Variants in MEF2A observed in about 807,000 individuals in gnomAD.
MEF2A encodes myocyte-specific enhancer factor 2A.
Under a neutral mutation model 55.8 loss-of-function variants are expected in MEF2A, and 28 were observed. The ratio of observed to expected loss-of-function variants is 0.50; its 90% CI spans 0.37 to 0.69. MEF2A has a LOEUF of 0.69. Ranked by LOEUF, MEF2A falls within the 30% of genes least tolerant of loss-of-function variation. The probability of loss-of-function intolerance (pLI) is 0.00; values close to 1 mark genes in which losing one functional copy is unlikely to be tolerated. For missense variants in MEF2A, 528 were observed against 626.2 expected (o/e 0.84, Z 1.67); for synonymous variants, 239 against 227.1 (o/e 1.05, Z -0.47).
chr15:99,641,046 C>T (rs1188076842), intron 3 of MEF2A, among the ~76,000 whole-genome samples: 1 of 151,958 alleles, frequency 6.6e-6, no homozygotes, highest in Non-Finnish European at 1.5e-5. Context: ...TTGCGTGATC[C>T]CAGTCGATCA....
Position 99,590,760 on chromosome 15 carries a change from C to G in MEF2A, c.-224-7670C>G, listed in dbSNP as rs144331146. The stretch of plus-strand genomic sequence containing the variant: ...GTAAGATCCTTACTGTAGTGCACTT[C>G]CAGTTTCCTTCCCTTCATTCTTTTT... On this transcript the variant is annotated intron_variant, in intron 1 of 11. Coordinates refer to ENST00000557942, the MANE Select transcript of MEF2A (RefSeq NM_001319206.4). Among the ~76,000 whole-genome samples the G allele has an allele frequency of 3.0e-3, 451 of 151,904 alleles. 3 individuals are homozygous for G. The highest frequency in any genetic ancestry group is 0.01 in the African/African-American group (423 of 41,434).
intron 7 of MEF2A, among the ~76,000 whole-genome samples, chr15:99,686,765 A>G (rs1157506789): frequency 1.3e-5 from 2 of 152,146 alleles, no homozygotes; most frequent in African/African-American, 2.4e-5. Flanking sequence ...CTAGATCTCT[A>G]GTGAGGCCAG....
Position 99,713,248 on chromosome 15 carries a change from T to G in MEF2A, c.*477T>G. The G allele has an allele frequency of 2.6e-6, 1 of 384,178 alleles. No individual in the cohort carries two copies. Among genetic ancestry groups the G allele is most frequent in the Non-Finnish European group, 4.6e-6 (1 of 218,016 alleles). 23.8% of individuals were successfully genotyped at this position (384,178 alleles called of 1,614,324 possible). A position where few individuals can be genotyped will look rare whatever the true frequency, so the allele number is the denominator to read the frequency against. ...GGAACCAAGAAAGCAATACTGTACA[T>G]AAAATGTCATTTATATTTTCCAACC... is the stretch of plus-strand genomic sequence containing the variant. On this transcript the variant is annotated 3_prime_UTR_variant, in exon 12 of 12. Transcript: ENST00000557942.
intron 4 of MEF2A, among the ~76,000 whole-genome samples, chr15:99,665,707 G>T (rs1474097071): frequency 1.3e-5 from 1 of 77,180 alleles, no homozygotes. Flanking sequence ...TTAATATCCG[G>T]AATCTACAAA....
In MEF2A at chr15:99,674,573, C is replaced by T; in HGVS notation, c.571C>T (p.Pro191Ser). The change falls in exon 6 of 12, where the codon CCT becomes TCT. Residue 191 changes from proline to serine, a missense_variant. Around this residue, in one of 2 missense-constraint regions of MEF2A, gnomAD observed 450 missense variants for 475.3 expected, o/e 0.95. Transcript: ENST00000557942. ...PQTTLHRNVS[P>S]GAPQRPPSTG... ...AACCACATTACATAGAAATGTGTCTCCTGGAGCTCCTCAGAGACCACCAAG... is the reference window on the plus strand; with the variant it reads ...AACCACATTACATAGAAATGTGTCTTCTGGAGCTCCTCAGAGACCACCAAG... 6.2e-7 allele frequency: 1 copy of T among 1,613,962 alleles called. No homozygotes were observed.
chr15:99,650,052 G>T (rs2046591430), intron 4 of MEF2A, among the ~76,000 whole-genome samples: 1 of 152,056 alleles, frequency 6.6e-6, no homozygotes, highest in African/African-American at 2.4e-5. Context: ...TGTCTCTCTT[G>T]TTAATATCTG....
At chr15:99,603,010 A>G (rs778053603) in intron 2 of MEF2A, among the ~76,000 whole-genome samples, 16 of 152,212 alleles carry the variant, frequency 1.1e-4, no homozygotes, top group Middle Eastern at 3.4e-3. Context: ...TAGAATCCCT[A>G]TTCTTTTACA....
chr15:99,606,000 G>A (rs1166851085), intron 2 of MEF2A, among the ~76,000 whole-genome samples: 7 of 152,076 alleles, frequency 4.6e-5, no homozygotes, highest in Admixed American at 4.6e-4. Flanking sequence ...AGATCAGAGT[G>A]GAAGAACTTT....
intron 8 of MEF2A, among the ~76,000 whole-genome samples, chr15:99,698,480 G>C (rs563503522): frequency 1.3e-5 from 2 of 152,260 alleles, no homozygotes; most frequent in African/African-American, 4.8e-5. Flanking sequence ...TGCACATCTA[G>C]TAAAATGGCT....
chr15:99,656,973 C>T (rs1401647791), intron 4 of MEF2A, among the ~76,000 whole-genome samples: 1 of 152,020 alleles, frequency 6.6e-6, no homozygotes, highest in African/African-American at 2.4e-5. Flanking sequence ...CTCCTCCTTC[C>T]CCTACATCCT....
intron 2 of MEF2A, 21 bp from the exon 3 acceptor site, chr15:99,632,957 C>T (rs1441903985): frequency 5.5e-6 from 3 of 548,144 alleles, no homozygotes; most frequent in Non-Finnish European, 9.6e-6. Context: ...TTTAAATCTT[C>T]TAATTTGTGT....
At chr15:99,578,721 T>C (rs1464204462) in intron 1 of MEF2A, among the ~76,000 whole-genome samples, 1 of 152,208 alleles carries the variant, frequency 6.6e-6, no homozygotes, top group East Asian at 1.9e-4. Context: ...AAAATCACTA[T>C]GTATGCATAA....
intron 5 of MEF2A, among the ~76,000 whole-genome samples, chr15:99,673,031 A>T (rs1210106627): frequency 1.3e-5 from 2 of 152,156 alleles, no homozygotes; most frequent in Admixed American, 6.5e-5. Flanking sequence ...GTGTGCACAG[A>T]AAAGATATAT....
chr15:99,652,307 G>T (rs574030641), intron 4 of MEF2A, among the ~76,000 whole-genome samples: 1 of 152,284 alleles, frequency 6.6e-6, no homozygotes, highest in Non-Finnish European at 1.5e-5. Context: ...CCTTGCTCGT[G>T]CAGTTCGCAG....
At chr15:99,665,155 C>G (rs1286317205) in intron 4 of MEF2A, among the ~76,000 whole-genome samples, 1 of 152,122 alleles carries the variant, frequency 6.6e-6, no homozygotes, top group Non-Finnish European at 1.5e-5. Context: ...GTAAAATAGC[C>G]TCATCAAAGA....
At position 99,671,692 on chromosome 15, in the gene MEF2A, G is replaced by A. The variant is rs776950728; in HGVS notation, c.390+238G>A. 8.7e-5 allele frequency: 130 copies of A among 1,497,466 alleles called. No individual in the cohort carries two copies. The Middle Eastern group carries it at 9.4e-4, about 11-fold the overall frequency. The allele number at this position is 1,497,466 out of a possible 1,614,324, so 92.8% of individuals were successfully genotyped here. ...AAAGTATGGTTTGTGCTTTTATCTT[G>A]TGCATGAAGAGATTGACCAAACATC... is the stretch of plus-strand genomic sequence containing the variant. On this transcript the variant is annotated intron_variant, in intron 5 of 11. Coordinates refer to ENST00000557942, the MANE Select transcript of MEF2A (RefSeq NM_001319206.4).
intron 4 of MEF2A, among the ~76,000 whole-genome samples, chr15:99,656,295 T>C (rs2047692850): frequency 6.6e-6 from 1 of 152,140 alleles, no homozygotes; most frequent in African/African-American, 2.4e-5. Context: ...TTCCAGCCTT[T>C]AGAGAAGTAA....
At chr15:99,664,503 T>C (rs979371283) in intron 4 of MEF2A, among the ~76,000 whole-genome samples, 1 of 152,004 alleles carries the variant, frequency 6.6e-6, no homozygotes, top group African/African-American at 2.4e-5. Flanking sequence ...CAAAATGATA[T>C]TGAGGGGAAC....
At chr15:99,582,101 T>G (rs932010371) in intron 1 of MEF2A, among the ~76,000 whole-genome samples, 1 of 152,192 alleles carries the variant, frequency 6.6e-6, no homozygotes, top group African/African-American at 2.4e-5. Context: ...ATTGACAGTT[T>G]GTAATCGTGG....
Sources: gnomAD v4.1 joint callset for allele counts (sites outside exome capture counted in the v4.1 genomes callset) on GRCh38, gnomAD v4.1.1 for gene constraint, gnomAD v4.1.1 regional missense constraint, MANE v1.5 for transcripts, NCBI Gene and HGNC (gene_info 2026-07-23, HGNC 2026-07-21) for gene names.